ACVR1C: variants seen among roughly 807,000 people sequenced by gnomAD.
The protein encoded by ACVR1C is activin receptor type-1C.
ACVR1C carries 23 observed loss-of-function variants against 57.9 expected under a neutral mutation model. The ratio of observed to expected loss-of-function variants is 0.40; its 90% CI spans 0.29 to 0.56. The LOEUF (loss-of-function observed/expected upper bound fraction) is 0.56, where lower values mean the gene tolerates loss of function less well. Ranked by LOEUF, ACVR1C falls within the 20% of genes least tolerant of loss-of-function variation. The pLI, the probability that ACVR1C is intolerant of heterozygous loss-of-function variation, is 0.50. For synonymous variants in ACVR1C, 214 were observed against 215.3 expected, an observed-to-expected ratio of 0.99 and a Z score of 0.05; for missense variants, 480 against 607.9, an observed-to-expected ratio of 0.79 and a Z score of 2.21.
chr2:157,554,252 A>AAAGAAAGAAAGAAAGG lies in ACVR1C; in HGVS notation c.544+1840_544+1841insCCTTTCTTTCTTTCTT, dbSNP rs1688014373. Among the ~76,000 whole-genome samples the AAAGAAAGAAAGAAAGG allele has an allele frequency of 1.5e-5, 2 of 130,826 alleles. 1 individual carries two copies. Among genetic ancestry groups the AAAGAAAGAAAGAAAGG allele is most frequent in the African/African-American group, 7.0e-5 (2 of 28,714 alleles). 85.8% of individuals were successfully genotyped at this position (130,826 alleles called of 152,430 possible). On this transcript the variant is annotated intron_variant, in intron 3 of 8. Transcript: ENST00000243349. ...GAAAGAAAGAAAGAAAGAAAGAAAGAAAGAAAGAAAGAAAGAAAGGAAGGA... is the reference window on the plus strand; with the variant it reads ...GAAAGAAAGAAAGAAAGAAAGAAAGAAAGAAAGAAAGAAAGGAAGAAAGAAAGAAAGAAAGGAAGGA...
intron 1 of ACVR1C, among the ~76,000 whole-genome samples, chr2:157,603,247 C>T (rs1189477573): frequency 3.3e-5 from 5 of 152,078 alleles, no homozygotes; most frequent in Non-Finnish European, 7.4e-5. Context: ...ATAAGACTAG[C>T]CTAGCTTGAT....
At chr2:157,580,745 A>G (rs779451332) in intron 2 of ACVR1C, among the ~76,000 whole-genome samples, 6 of 152,172 alleles carry the variant, frequency 3.9e-5, no homozygotes, top group Non-Finnish European at 7.3e-5. Flanking sequence ...CTTGGTGGTG[A>G]AGTGCTCAGT....
At position 157,538,589 on chromosome 2, in the gene ACVR1C, T is replaced by C; in HGVS notation, c.1340A>G (p.Gln447Arg). The change falls in exon 8 of 9, where the codon CAG (glutamine) becomes CGG (arginine). Residue 447 changes from glutamine to arginine, a missense_variant. Physicochemically the swap from Gln to Arg is conservative, Grantham distance 43. Coordinates refer to ENST00000243349, the MANE Select transcript of ACVR1C (RefSeq NM_145259.3). ...TGGCCTTACTTCACAACTTTGCCAC[T>C]GGTTTGGGATACTTGGTCGAAACTT... ...DQKFRPSIPN[Q>R]WQSCEALRVM... 1 of 1,564,438 alleles carries C rather than the reference T, an allele frequency of 6.4e-7. No homozygotes were observed. The highest frequency in any genetic ancestry group is 1.3e-5 in the South Asian group (1 of 79,780).
chr2:157,580,135 A>G (rs1048869398), intron 2 of ACVR1C, among the ~76,000 whole-genome samples: 1 of 152,014 alleles, frequency 6.6e-6, no homozygotes, highest in Non-Finnish European at 1.5e-5. Context: ...TCTTTCAAAT[A>G]GTTATCTTTT....
At position 157,626,300 on chromosome 2, in the gene ACVR1C, A is replaced by G. The variant is rs532118178; in HGVS notation, c.73+2272T>C. Among the ~76,000 whole-genome samples the G allele has an allele frequency of 2.4e-4, 37 of 152,324 alleles. 1 individual carries two copies. Among genetic ancestry groups the G allele is most frequent in the African/African-American group, 7.5e-4 (31 of 41,580 alleles). On this transcript the variant is annotated intron_variant, in intron 1 of 8. Coordinates refer to ENST00000243349, the MANE Select transcript of ACVR1C (RefSeq NM_145259.3). ...ATTTTTTTAATTCCAGTCCAGACCA[A>G]TAAACAGTTTTTCTAAGTCTCTACC...
Position 157,617,778 on chromosome 2 carries a change from G to GAT in ACVR1C, c.73+10792_73+10793dup, listed in dbSNP as rs199859616. On this transcript the variant is annotated intron_variant, in intron 1 of 8. Coordinates refer to ENST00000243349, the MANE Select transcript of ACVR1C (RefSeq NM_145259.3). ...TAATGGATAGAAGGATGGATAAATG[G>GAT]ATATATATATGATAAGGCAAAATTA... Among the ~76,000 whole-genome samples the GAT allele has an allele frequency of 5.6e-3, 852 of 151,864 alleles. 13 individuals are homozygous for GAT. Among genetic ancestry groups the GAT allele is most frequent in the African/African-American group, 0.019 (776 of 41,470 alleles).
intron 1 of ACVR1C, among the ~76,000 whole-genome samples, chr2:157,626,856 T>C (rs1682906523): frequency 6.6e-6 from 1 of 152,214 alleles, no homozygotes; most frequent in Non-Finnish European, 1.5e-5. Flanking sequence ...TCAGCTTCAA[T>C]AAATACATCT....
chr2:157,591,106 T>C (rs1379984401), intron 1 of ACVR1C, among the ~76,000 whole-genome samples: 1 of 152,004 alleles, frequency 6.6e-6, no homozygotes, highest in Non-Finnish European at 1.5e-5. Context: ...AATCAAAATA[T>C]ATTTGTAATC....
chr2:157,555,981 A>G, intron 3 of ACVR1C, 112 bp downstream of exon 3: 1 of 1,267,158 alleles, frequency 7.9e-7, no homozygotes, highest in Non-Finnish European at 1.1e-6. Flanking sequence ...CTCACCATGT[A>G]TCCTTTCAAG....
intron 7 of ACVR1C, among the ~76,000 whole-genome samples, chr2:157,539,953 A>G (rs908194973): frequency 1.3e-5 from 2 of 152,258 alleles, no homozygotes; most frequent in African/African-American, 4.8e-5. Context: ...AAAGTCTGCA[A>G]GGTTTTTTAA....
intron 4 of ACVR1C, among the ~76,000 whole-genome samples, chr2:157,548,370 T>C (rs1269135126): frequency 4.9e-5 from 7 of 141,466 alleles, no homozygotes; most frequent in African/African-American, 1.6e-4. Context: ...AATTTACAGA[T>C]TCAATGCCAT....
intron 1 of ACVR1C, among the ~76,000 whole-genome samples, chr2:157,624,528 C>T (rs1682857721): frequency 6.6e-6 from 1 of 152,214 alleles, no homozygotes; most frequent in Non-Finnish European, 1.5e-5. Flanking sequence ...CAACTGCTTT[C>T]ATGCAACAAT....
Position 157,538,675 on chromosome 2 carries a change from A to G in ACVR1C, c.1254T>C (p.Tyr418=). Residue 418 remains tyrosine (Y), a synonymous_variant, in exon 8 of 9, where the codon TAT becomes TAC. Coordinates refer to ENST00000243349, the MANE Select transcript of ACVR1C (RefSeq NM_145259.3). The part of the protein sequence containing the change: ...GGIVEEYQLP[Y]YDMVPSDPSI... ...AGGGATCTGAAGGCACCATGTCATA[A>G]TAAGGCAATTGGTACTCCTCAACAA... The G allele has an allele frequency of 1.3e-6, 2 of 1,558,566 alleles. No individual in the cohort carries two copies. The highest frequency in any genetic ancestry group is 1.7e-6 in the Non-Finnish European group (2 of 1,154,444).
chr2:157,593,620 A>C (rs1681997802), intron 1 of ACVR1C, among the ~76,000 whole-genome samples: 1 of 152,220 alleles, frequency 6.6e-6, no homozygotes, highest in Non-Finnish European at 1.5e-5. Flanking sequence ...TGAATATGAA[A>C]AGTACAGCAG....
intron 1 of ACVR1C, among the ~76,000 whole-genome samples, chr2:157,615,880 T>C (rs1409189436): frequency 6.6e-6 from 1 of 152,236 alleles, no homozygotes; most frequent in African/African-American, 2.4e-5. Flanking sequence ...TTAACTTTGT[T>C]CCTCTTTATG....
At chr2:157,554,325 A>AAGAAAG (rs1688032820) in intron 3 of ACVR1C, among the ~76,000 whole-genome samples, 1 of 145,406 alleles carries the variant, frequency 6.9e-6, no homozygotes, top group African/African-American at 2.7e-5. Context: ...GAAAAAGAAA[A>AAGAAAG]AGAAAGAGAA....
chr2:157,543,818 G>C (rs1687674960), intron 5 of ACVR1C, among the ~76,000 whole-genome samples: 1 of 151,932 alleles, frequency 6.6e-6, no homozygotes, highest in South Asian at 2.1e-4. Context: ...ATTATCAAAG[G>C]TAAACATTTA....
intron 1 of ACVR1C, among the ~76,000 whole-genome samples, chr2:157,598,200 G>GAA (rs575735322): frequency 2.6e-5 from 2 of 76,000 alleles, no homozygotes; most frequent in Admixed American, 1.4e-4. Flanking sequence ...GAAGAACATT[G>GAA]AAAAAAAAAA....
Position 157,628,553 on chromosome 2 carries a change from A to G in ACVR1C, c.73+19T>C. The G allele has an allele frequency of 1.9e-6, 3 of 1,604,374 alleles. No individual in the cohort carries two copies. The highest frequency in any genetic ancestry group is 1.7e-6 in the Non-Finnish European group (2 of 1,176,060). ...AGCTCCCACCCTCGCGGGCGTCGGG[A>G]GAGAAACCAGCACCGTACCTGGCGA... On this transcript the variant is annotated intron_variant, in intron 1 of 8. Transcript: ENST00000243349.
Sources: gnomAD v4.1 joint callset for allele counts (sites outside exome capture counted in the v4.1 genomes callset) on GRCh38, gnomAD v4.1.1 for gene constraint, MANE v1.5 for transcripts, NCBI Gene and HGNC (gene_info 2026-07-23, HGNC 2026-07-21) for gene names.